Variants in STON2 observed in about 807,000 individuals in gnomAD.
STON2 encodes stonin 2, also known as stonin-2.
A neutral mutation model predicts 65.7 loss-of-function variants in STON2; 29 were observed. The ratio of observed to expected loss-of-function variants is 0.44; its 90% CI spans 0.33 to 0.60. The LOEUF is 0.60. Among genes scored for constraint, STON2 ranks in the 20% least tolerant of loss-of-function variants. STON2 has a pLI of 0.03. For missense variants in STON2, 1,054 were observed against 1,118.1 expected (o/e 0.94, Z 0.82); for synonymous variants, 404 against 414.2 (o/e 0.98, Z 0.30).
chr14:81,389,543 T>C (rs1017798461), intron 3 of STON2, among the ~76,000 whole-genome samples: 1 of 152,190 alleles, frequency 6.6e-6, no homozygotes, highest in Admixed American at 6.5e-5. Flanking sequence ...GGGCAAATCA[T>C]TTCTATGTGG....
At chr14:81,402,585 G>C (rs1436194345), upstream of STON2, among the ~76,000 whole-genome samples, 1 of 152,124 alleles carries the variant, frequency 6.6e-6, no homozygotes, top group African/African-American at 2.4e-5. Flanking sequence ...ACTCAGGAAG[G>C]GGGAGCAGGA....
intron 5 of STON2, among the ~76,000 whole-genome samples, chr14:81,298,297 G>C (rs941782556): frequency 7.2e-5 from 11 of 152,044 alleles, no homozygotes; most frequent in African/African-American, 2.4e-4. Context: ...AAGCACAGCA[G>C]CTGGAAATAA....
At chr14:81,423,350 T>C (rs1901807875) in intron 2 of STON2, among the ~76,000 whole-genome samples, 1 of 152,162 alleles carries the variant, frequency 6.6e-6, no homozygotes. Flanking sequence ...AAAATACACA[T>C]ACATGCAACA....
At chr14:81,301,532 T>C (rs1895967627) in intron 5 of STON2, among the ~76,000 whole-genome samples, 1 of 152,212 alleles carries the variant, frequency 6.6e-6, no homozygotes, top group Non-Finnish European at 1.5e-5. Flanking sequence ...TGACCAGTAA[T>C]TCTGCCTGGG....
chr14:81,348,601 C>G (rs1350429044), intron 4 of STON2, among the ~76,000 whole-genome samples: 1 of 151,964 alleles, frequency 6.6e-6, no homozygotes, highest in East Asian at 1.9e-4. Flanking sequence ...TTGAAGAGGA[C>G]ATCAAAAAAA....
intron 3 of STON2, among the ~76,000 whole-genome samples, chr14:81,377,443 C>T (rs772890318): frequency 1.3e-4 from 20 of 152,122 alleles, no homozygotes; most frequent in Non-Finnish European, 2.4e-4. Context: ...GTTTTTGGTT[C>T]TTAGCTATTA....
chr14:81,326,883 G>A (rs1214753969), intron 4 of STON2, among the ~76,000 whole-genome samples: 1 of 152,168 alleles, frequency 6.6e-6, no homozygotes, highest in South Asian at 2.1e-4. Context: ...GATTGATTTG[G>A]GGTGTACAGT....
At chr14:81,321,257 G>A (rs896120436) in intron 5 of STON2, among the ~76,000 whole-genome samples, 5 of 152,028 alleles carry the variant, frequency 3.3e-5, no homozygotes, top group Admixed American at 1.3e-4. Flanking sequence ...TGGGCCAGGC[G>A]TGGTGGCTCA....
chr14:81,383,497 C>T (rs1285092445), intron 3 of STON2, among the ~76,000 whole-genome samples: 2 of 152,184 alleles, frequency 1.3e-5, no homozygotes, highest in Non-Finnish European at 2.9e-5. Flanking sequence ...GTTATTCCCT[C>T]CAAACCAGCC....
chr14:81,276,275 A>G (rs1373623073), intron 6 of STON2, among the ~76,000 whole-genome samples: 1 of 152,218 alleles, frequency 6.6e-6, no homozygotes, highest in Non-Finnish European at 1.5e-5. Context: ...TTGTCTAAAT[A>G]AAACATTCTT....
At chr14:81,276,734 G>A (rs534441131) in intron 6 of STON2, among the ~76,000 whole-genome samples, 167 bp downstream of exon 6, 1 of 152,266 alleles carries the variant, frequency 6.6e-6, no homozygotes, top group South Asian at 2.1e-4. Context: ...GTCACTATAC[G>A]CATTACTTAC....
At chr14:81,379,000 T>C (rs945995082) in intron 3 of STON2, among the ~76,000 whole-genome samples, 1 of 152,136 alleles carries the variant, frequency 6.6e-6, no homozygotes, top group Non-Finnish European at 1.5e-5. Context: ...ATGTTCATTA[T>C]CCTCTCTTCT....
intron 3 of STON2, among the ~76,000 whole-genome samples, chr14:81,378,660 G>GTA (rs768653057): frequency 7.2e-5 from 11 of 151,942 alleles, no homozygotes; most frequent in East Asian, 1.9e-4. Flanking sequence ...CTTTTGTACT[G>GTA]TATATATATA....
chr14:81,416,262 C>T (rs1406328055), intron 2 of STON2, among the ~76,000 whole-genome samples: 1 of 152,138 alleles, frequency 6.6e-6, no homozygotes, highest in African/African-American at 2.4e-5. Context: ...TATTTCTACC[C>T]ATAAAGATTG....
chr14:81,373,372 T>A (rs1899092978), intron 3 of STON2, among the ~76,000 whole-genome samples: 1 of 152,184 alleles, frequency 6.6e-6, no homozygotes, highest in Admixed American at 6.5e-5. Context: ...AAATTTTTTA[T>A]AAACCAACCA....
intron 5 of STON2, among the ~76,000 whole-genome samples, chr14:81,309,775 T>C (rs554420843): frequency 6.6e-6 from 1 of 152,350 alleles, no homozygotes; most frequent in South Asian, 2.1e-4. Context: ...TAGGCAGGCA[T>C]GTATTTCCTG....
intron 4 of STON2, among the ~76,000 whole-genome samples, chr14:81,324,749 T>C (rs905563781): frequency 2.0e-5 from 3 of 152,204 alleles, no homozygotes; most frequent in African/African-American, 7.2e-5. Flanking sequence ...TAGAAATGGA[T>C]TCACATTGAA....
At chr14:81,334,700 C>T (rs772938899) in intron 4 of STON2, among the ~76,000 whole-genome samples, 35 of 152,098 alleles carry the variant, frequency 2.3e-4, no homozygotes, top group African/African-American at 7.5e-4. Flanking sequence ...CAGAAAACTA[C>T]TGGCAATCCC....
chr14:81,415,961 A>C (rs1477761789), intron 2 of STON2, among the ~76,000 whole-genome samples: 1 of 152,196 alleles, frequency 6.6e-6, no homozygotes, highest in Non-Finnish European at 1.5e-5. Context: ...ACTAAGGAGC[A>C]TGACCAAAGG....
Sources: gnomAD v4.1 joint callset for allele counts (sites outside exome capture counted in the v4.1 genomes callset) on GRCh38, gnomAD v4.1.1 for gene constraint, MANE v1.5 for transcripts, NCBI Gene and HGNC (gene_info 2026-07-23, HGNC 2026-07-21) for gene names.